PRKD1: variants seen among roughly 807,000 people sequenced by gnomAD.
PRKD1 encodes the protein serine/threonine-protein kinase D1.
Under a neutral mutation model 95.9 loss-of-function variants are expected in PRKD1, and 63 were observed. The observed-to-expected ratio is 0.66, with a 90% CI of 0.54 to 0.81. The LOEUF is 0.81. Among genes scored for constraint, PRKD1 ranks in the 30% least tolerant of loss-of-function variants. The pLI is 0.00. For missense variants in PRKD1, 1,048 were observed against 1,165.3 expected, an observed-to-expected ratio of 0.90 and a Z score of 1.47; for synonymous variants, 425 against 423.1, an observed-to-expected ratio of 1.00 and a Z score of -0.05.
chr14:29,826,655 G>GTC (rs1891140391), intron 1 of PRKD1, among the ~76,000 whole-genome samples: 2 of 34,706 alleles, frequency 5.8e-5, no homozygotes, highest in Non-Finnish European at 9.7e-5. Context: ...ATATATATGT[G>GTC]TGTGTGTGTA....
chr14:29,629,126 A>G (rs758586214), intron 10 of PRKD1, 33 bp from the exon 11 acceptor site: 3 of 1,577,808 alleles, frequency 1.9e-6, no homozygotes, highest in South Asian at 2.3e-5. Context: ...ATGCACACAA[A>G]AAGTCAGTAA....
chr14:29,806,802 CAA>C (rs1216103006), intron 1 of PRKD1, among the ~76,000 whole-genome samples: 2 of 152,084 alleles, frequency 1.3e-5, no homozygotes, highest in African/African-American at 2.4e-5. Context: ...GCAACTGAAA[CAA>C]GAGAGGTCCT....
chr14:29,611,978 A>G (rs1261363325), intron 13 of PRKD1, among the ~76,000 whole-genome samples: 1 of 152,182 alleles, frequency 6.6e-6, no homozygotes, highest in Non-Finnish European at 1.5e-5. Flanking sequence ...GACAAATCCT[A>G]TTACTGTAGT....
At chr14:29,880,082 A>G (rs1399221624) in intron 1 of PRKD1, among the ~76,000 whole-genome samples, 4 of 152,172 alleles carry the variant, frequency 2.6e-5, no homozygotes, top group African/African-American at 9.7e-5. Context: ...TGGCTGCAGA[A>G]ATTTGCATAA....
At chr14:29,773,100 T>C (rs1487041057) in intron 1 of PRKD1, among the ~76,000 whole-genome samples, 10 of 152,242 alleles carry the variant, frequency 6.6e-5, no homozygotes, top group African/African-American at 1.2e-4. Context: ...CAAACTGAGA[T>C]ACTTTTTGAT....
In PRKD1 at chr14:29,886,924, G is replaced by A. The variant is rs1475818957; in HGVS notation, c.264+40325C>T. 2.6e-5 allele frequency among the ~76,000 whole-genome samples: 4 copies of A among 152,202 alleles called. No homozygotes were observed. The East Asian group carries it at 5.8e-4, about 22-fold the overall frequency. On this transcript the variant is annotated intron_variant, in intron 1 of 17. Transcript: ENST00000331968. ...GAATTGTAATTGTTCTTCGTCCTTTGATGGTAGGTGCTGTCATTTCAACAC... is the reference window on the plus strand; with the variant it reads ...GAATTGTAATTGTTCTTCGTCCTTTAATGGTAGGTGCTGTCATTTCAACAC...
rs45446392 is a variant in PRKD1, at chr14:29,712,528, T to C, written c.403+13008A>G. ...CCCAATTCTTGTATTAAAATGTATG[T>C]ACTAAAGAAGCTATCTGGTATATTT... is the stretch of plus-strand genomic sequence containing the variant. On this transcript the variant is annotated intron_variant, in intron 2 of 17. Transcript: ENST00000331968. Among the ~76,000 whole-genome samples the C allele has an allele frequency of 2.5e-4, 38 of 152,306 alleles. No homozygotes were observed. In the East Asian group the frequency reaches 4.6e-3, roughly 19 times the overall value.
intron 2 of PRKD1, among the ~76,000 whole-genome samples, chr14:29,723,163 TAAAATGGA>T (rs780311474): frequency 2.6e-5 from 4 of 152,138 alleles, no homozygotes; most frequent in Non-Finnish European, 5.9e-5. Flanking sequence ...AATGAGTACT[TAAAATGGA>T]AAGTAAAATT....
chr14:29,715,531 A>G (rs1160123826), intron 2 of PRKD1, among the ~76,000 whole-genome samples: 1 of 152,104 alleles, frequency 6.6e-6, no homozygotes, highest in Non-Finnish European at 1.5e-5. Context: ...ATTCTCATCA[A>G]TGGAATTTCA....
rs575840713 is a variant in PRKD1 at position 29,665,278 on chromosome 14, A to C, written c.535+799T>G. ...GTGTACATGTGGTTTTCAGTACATG[A>C]ATGAATTATATAGTGGTAAAGTCTG... On this transcript the variant is annotated intron_variant, in intron 3 of 17. Coordinates refer to ENST00000331968, the MANE Select transcript of PRKD1 (RefSeq NM_002742.3). Among the ~76,000 whole-genome samples, 4 of 152,288 alleles carry C rather than the reference A, an allele frequency of 2.6e-5. No individual in the cohort carries two copies. In the East Asian group the frequency reaches 7.7e-4, roughly 29 times the overall value.
At chr14:29,656,529 C>T (rs1172021988) in intron 4 of PRKD1, 2 of 1,533,842 alleles carry the variant, frequency 1.3e-6, no homozygotes, top group East Asian at 4.9e-5. Flanking sequence ...GAGCAAAAAG[C>T]AGGCAAAGGT....
intron 1 of PRKD1, among the ~76,000 whole-genome samples, chr14:29,775,959 C>A (rs1383991142): frequency 6.6e-6 from 1 of 152,142 alleles, no homozygotes; most frequent in African/African-American, 2.4e-5. Flanking sequence ...TCCAGAGGAA[C>A]AATCAGGCAG....
chr14:29,630,623 A>G, intron 10 of PRKD1, 119 bp downstream of exon 10: 1 of 1,309,978 alleles, frequency 7.6e-7, no homozygotes, highest in Non-Finnish European at 1.1e-6. Flanking sequence ...ACAATAAACT[A>G]AGTCATCCCC....
chr14:29,764,484 G>A (rs1888170100), intron 1 of PRKD1, among the ~76,000 whole-genome samples: 1 of 152,104 alleles, frequency 6.6e-6, no homozygotes, highest in African/African-American at 2.4e-5. Flanking sequence ...ATAAGTAATA[G>A]AAATTTATTT....
At chr14:29,745,059 C>T in intron 1 of PRKD1, among the ~76,000 whole-genome samples, 1 of 152,248 alleles carries the variant, frequency 6.6e-6, no homozygotes, top group East Asian at 1.9e-4. Context: ...CTTGTGGCTC[C>T]TCCACCACCC....
intron 16 of PRKD1, among the ~76,000 whole-genome samples, chr14:29,585,947 C>T (rs1594339519): frequency 6.6e-6 from 1 of 152,262 alleles, no homozygotes; most frequent in East Asian, 1.9e-4. Flanking sequence ...CATGACTGTG[C>T]TAAGTAGTGC....
intron 1 of PRKD1, among the ~76,000 whole-genome samples, chr14:29,778,049 G>A (rs1888855187): frequency 6.6e-6 from 1 of 152,296 alleles, no homozygotes; most frequent in Non-Finnish European, 1.5e-5. Flanking sequence ...TGACTACTGG[G>A]TAGATAACTA....
chr14:29,598,099 AC>A (rs1220713965), intron 15 of PRKD1, among the ~76,000 whole-genome samples: 1 of 151,540 alleles, frequency 6.6e-6, no homozygotes, highest in Non-Finnish European at 1.5e-5. Flanking sequence ...ACATAGTGAG[AC>A]CCCCATCTCT....
chr14:29,752,889 G>A (rs1365683877), intron 1 of PRKD1, among the ~76,000 whole-genome samples: 2 of 151,984 alleles, frequency 1.3e-5, no homozygotes, highest in East Asian at 3.9e-4. Context: ...ATGAAAATAA[G>A]ATAAAAAAAC....
Sources: gnomAD v4.1 joint callset for allele counts (sites outside exome capture counted in the v4.1 genomes callset) on GRCh38, gnomAD v4.1.1 for gene constraint, MANE v1.5 for transcripts, NCBI Gene and HGNC (gene_info 2026-07-23, HGNC 2026-07-21) for gene names.